RALYL: variants seen among roughly 807,000 people sequenced by gnomAD.
The protein encoded by RALYL is RNA-binding Raly-like protein.
RALYL carries 29 observed loss-of-function variants against 35.1 expected under a neutral mutation model. That is an observed-to-expected ratio of 0.83 (90% CI 0.61 to 1.13). RALYL has a LOEUF of 1.13. RALYL is among the 50% of genes most tolerant of loss of function. The probability of loss-of-function intolerance (pLI) is 0.00; values close to 1 mark genes in which losing one functional copy is unlikely to be tolerated. For synonymous variants in RALYL, 120 were observed against 127.6 expected, an observed-to-expected ratio of 0.94 and a Z score of 0.40; for missense variants, 359 against 360.4, an observed-to-expected ratio of 1.00 and a Z score of 0.03.
Position 84,887,780 on chromosome 8 carries a change from G to C in RALYL, c.858+4G>C. ...TGAAGATGGGGGTCATGAGCTGGTA[G>C]GAAAGAAACATTTGGTATTCACACC... is the stretch of plus-strand genomic sequence containing the variant. On this transcript the variant is annotated splice_donor_region_variant and intron_variant, in intron 8 of 8. Transcript: ENST00000521268. The C allele has an allele frequency of 6.2e-7, 1 of 1,609,102 alleles. No individual in the cohort carries two copies. The highest frequency in any genetic ancestry group is 8.5e-7 in the Non-Finnish European group (1 of 1,177,988).
chr8:84,685,215 A>G (rs1018013003), intron 2 of RALYL, among the ~76,000 whole-genome samples: 1 of 152,158 alleles, frequency 6.6e-6, no homozygotes, highest in Non-Finnish European at 1.5e-5. Flanking sequence ...GGAAAGAAAC[A>G]GAAGAGCAGC....
chr8:84,759,993 G>A (rs1049342365), intron 2 of RALYL, among the ~76,000 whole-genome samples: 2 of 152,094 alleles, frequency 1.3e-5, no homozygotes, highest in Non-Finnish European at 2.9e-5. Flanking sequence ...GGAATCACAT[G>A]TTGCCCCATT....
chr8:84,863,191 C>A (rs1838473319), intron 6 of RALYL, among the ~76,000 whole-genome samples: 1 of 152,062 alleles, frequency 6.6e-6, no homozygotes, highest in South Asian at 2.1e-4. Context: ...AAAGAATAAA[C>A]ACATAGAGAA....
At chr8:84,835,623 C>T (rs546140309) in intron 4 of RALYL, among the ~76,000 whole-genome samples, 13 of 141,112 alleles carry the variant, frequency 9.2e-5, no homozygotes, top group South Asian at 2.2e-4. Context: ...GCAGAGGTTG[C>T]GATGAGCCAA....
chr8:84,416,494 G>T (rs548403495), intron 1 of RALYL, among the ~76,000 whole-genome samples: 4 of 152,230 alleles, frequency 2.6e-5, no homozygotes, highest in East Asian at 3.9e-4. Context: ...TAAATGAAAA[G>T]GTGTTGGCAC....
chr8:84,736,500 A>G (rs1847338681), intron 2 of RALYL, among the ~76,000 whole-genome samples: 1 of 152,094 alleles, frequency 6.6e-6, no homozygotes, highest in Non-Finnish European at 1.5e-5. Flanking sequence ...TAAGCTACAC[A>G]TGCAAAATAT....
rs182998644 is a variant in RALYL, at chr8:84,537,272, C to A, written c.256+7695C>A. On this transcript the variant is annotated intron_variant, in intron 2 of 8. Coordinates refer to ENST00000521268, the MANE Select transcript of RALYL (RefSeq NM_173848.7). ...ATCGCTTGAGCCCAGCAGTTTCAGA[C>A]CTGCTTGGGCAACATGGCAAAACCC... 2.9e-3 allele frequency among the ~76,000 whole-genome samples: 435 copies of A among 151,630 alleles called. 4 individuals are homozygous for A. Among genetic ancestry groups the A allele is most frequent in the African/African-American group, 9.6e-3 (397 of 41,410 alleles).
chr8:84,789,906 T>G (rs28582770), intron 3 of RALYL, among the ~76,000 whole-genome samples: 2,366 of 152,218 alleles, frequency 0.016, 56 homozygotes, highest in African/African-American at 0.054. Flanking sequence ...AAAGTTGCAA[T>G]ATTTGGCATT....
chr8:84,521,851 C>T (rs990365000), intron 1 of RALYL, among the ~76,000 whole-genome samples: 2 of 151,970 alleles, frequency 1.3e-5, no homozygotes, highest in African/African-American at 4.8e-5. Flanking sequence ...TTTTTGCTTT[C>T]CAATTACTTA....
At chr8:84,213,962 T>G (rs2131208034) in intron 1 of RALYL, among the ~76,000 whole-genome samples, 1 of 152,306 alleles carries the variant, frequency 6.6e-6, no homozygotes, top group Middle Eastern at 3.4e-3. Flanking sequence ...ATGAAGAAAA[T>G]GTGAACAGAG....
At chr8:84,796,992 G>T (rs994670301) in intron 3 of RALYL, among the ~76,000 whole-genome samples, 5 of 152,146 alleles carry the variant, frequency 3.3e-5, no homozygotes, top group Non-Finnish European at 7.4e-5. Context: ...CCGTCACTTT[G>T]CTGTGTGTCT....
chr8:84,475,160 G>A (rs1472782075), intron 1 of RALYL, among the ~76,000 whole-genome samples: 1 of 151,882 alleles, frequency 6.6e-6, no homozygotes, highest in African/African-American at 2.4e-5. Context: ...AACATGTGGT[G>A]TTTGGTTTTC....
At chr8:84,408,174 A>G (rs1020107544) in intron 1 of RALYL, among the ~76,000 whole-genome samples, 12 of 152,106 alleles carry the variant, frequency 7.9e-5, no homozygotes, top group Non-Finnish European at 1.6e-4. Flanking sequence ...TGGGATTAAA[A>G]GAAAATCATA....
At chr8:84,498,343 T>A (rs1163421579) in intron 1 of RALYL, among the ~76,000 whole-genome samples, 1 of 152,078 alleles carries the variant, frequency 6.6e-6, no homozygotes, top group Non-Finnish European at 1.5e-5. Context: ...ACCACTTTAT[T>A]GAGCAATATC....
chr8:84,500,889 G>T (rs1371297921), intron 1 of RALYL, among the ~76,000 whole-genome samples: 1 of 152,040 alleles, frequency 6.6e-6, no homozygotes, highest in Non-Finnish European at 1.5e-5. Context: ...TTTGTTGACA[G>T]GATTAAGTAG....
At chr8:84,711,432 A>T (rs1339302007) in intron 2 of RALYL, among the ~76,000 whole-genome samples, 3 of 152,182 alleles carry the variant, frequency 2.0e-5, no homozygotes, top group African/African-American at 7.2e-5. Flanking sequence ...CTGGAAGACA[A>T]TCAAATTTTG....
chr8:84,791,514 GTA>G (rs1820772997), intron 3 of RALYL, among the ~76,000 whole-genome samples: 1 of 152,176 alleles, frequency 6.6e-6, no homozygotes, highest in African/African-American at 2.4e-5. Flanking sequence ...AAGCAGAAGA[GTA>G]CCATGACAGA....
chr8:84,495,701 TTTC>T (rs1376017680), intron 1 of RALYL, among the ~76,000 whole-genome samples: 6 of 152,134 alleles, frequency 3.9e-5, no homozygotes. Context: ...GGTACTCACC[TTTC>T]TTTTTTGTCT....
At chr8:84,675,465 G>C (rs1164187555) in intron 2 of RALYL, among the ~76,000 whole-genome samples, 4 of 151,986 alleles carry the variant, frequency 2.6e-5, no homozygotes, top group Non-Finnish European at 5.9e-5. Flanking sequence ...CCAAATATTA[G>C]TTTAAAATTT....
Sources: allele counts gnomAD v4.1 joint callset (sites outside exome capture counted in the v4.1 genomes callset), GRCh38; gene constraint gnomAD v4.1.1; transcripts MANE v1.5; gene names NCBI Gene and HGNC (gene_info 2026-07-23, HGNC 2026-07-21).